GREB1: variants seen among roughly 807,000 people sequenced by gnomAD.
GREB1 encodes growth regulating estrogen receptor binding 1, also known as protein GREB1.
A neutral mutation model predicts 200.7 loss-of-function variants in GREB1; 106 were observed. That is an observed-to-expected ratio of 0.53 (90% confidence interval 0.45 to 0.62). GREB1 has a LOEUF of 0.62. Ranked by LOEUF, GREB1 falls within the 20% of genes least tolerant of loss-of-function variation. The pLI is 0.00. For missense variants in GREB1, 2,243 were observed against 2,556.8 expected, an observed-to-expected ratio of 0.88 and a Z score of 2.65; for synonymous variants, 1,132 against 1,092.4, an observed-to-expected ratio of 1.04 and a Z score of -0.72.
chr2:11,609,405 A>C (rs970205302), intron 17 of GREB1, among the ~76,000 whole-genome samples: 150 of 152,198 alleles, frequency 9.9e-4, no homozygotes, highest in African/African-American at 3.5e-3. Context: ...AGTAGCTGGG[A>C]TTACAGGCGT....
intron 6 of GREB1, 126 bp downstream of exon 6, chr2:11,578,557 A>G: frequency 1.1e-6 from 1 of 921,282 alleles, no homozygotes; most frequent in Non-Finnish European, 1.6e-6. Flanking sequence ...CTTTTTCTAT[A>G]ACACCTTTAC....
chr2:11,562,582 G>A lies in GREB1; in HGVS notation c.277G>A (p.Gly93Arg), dbSNP rs766732161. ...GCCTGAAGGATGCTGTACCACAGAC[G>A]GTGAGCCTCTGCCAGCTCCTGGCCA... is the stretch of plus-strand genomic sequence containing the variant. ...PLPEGCCTTD[G>R]FCQAGKDLRL... The change falls in exon 3 of 33, where the codon GGG becomes AGG. Residue 93 changes from glycine to arginine, a missense_variant and splice_region_variant. Physicochemically the swap from Gly to Arg is moderately radical, Grantham distance 125. Coordinates refer to ENST00000381486, the MANE Select transcript of GREB1 (RefSeq NM_014668.4). 20 of 1,577,604 alleles carry A rather than the reference G, an allele frequency of 1.3e-5. No individual in the cohort carries two copies. The highest frequency in any genetic ancestry group is 1.6e-5 in the Non-Finnish European group (19 of 1,163,010).
In GREB1 at chr2:11,626,746, CTTAA is replaced by C. The variant is rs1362430226; in HGVS notation, c.4307-212_4307-209del. On this transcript the variant is annotated intron_variant, in intron 24 of 32. Coordinates refer to ENST00000381486, the MANE Select transcript of GREB1 (RefSeq NM_014668.4). ...CAGTAAGACATGATATGGACAGTGCCTTAATTAGTTTATTCCACTGACACTTTGT... is the reference window on the plus strand; with the variant it reads ...CAGTAAGACATGATATGGACAGTGCCTTAGTTTATTCCACTGACACTTTGT... Among the ~76,000 whole-genome samples the C allele has an allele frequency of 1.5e-4, 23 of 152,266 alleles. No individual in the cohort carries two copies. The East Asian group carries it at 2.7e-3, about 18-fold the overall frequency.
chr2:11,641,891 A>T lies in GREB1; in HGVS notation c.*1437A>T, dbSNP rs2148472384. 6.6e-6 allele frequency: 1 copy of T among 152,228 alleles called. No individual in the cohort carries two copies. The highest frequency in any genetic ancestry group is 1.5e-5 in the Non-Finnish European group (1 of 67,998). 9.4% of individuals were successfully genotyped at this position (152,228 alleles called of 1,614,324 possible). On this transcript the variant is annotated 3_prime_UTR_variant, in exon 33 of 33. Coordinates refer to ENST00000381486, the MANE Select transcript of GREB1 (RefSeq NM_014668.4). The stretch of plus-strand genomic sequence containing the variant: ...AGTCCTTTCTTGTGTGATTGGAATT[A>T]TTCATCCCCTTTGAAAGATGAGAAG...
intron 4 of GREB1, among the ~76,000 whole-genome samples, chr2:11,567,653 C>G (rs1272583818): frequency 2.6e-5 from 4 of 152,222 alleles, no homozygotes; most frequent in African/African-American, 7.2e-5. Context: ...TTTGATCTTT[C>G]CAACAACCGC....
intron 24 of GREB1, 94 bp from the exon 25 acceptor site, chr2:11,626,868 G>C: frequency 7.7e-7 from 1 of 1,296,590 alleles, no homozygotes; most frequent in Non-Finnish European, 1.1e-6. Context: ...CTGTTGTCTG[G>C]TCATTTGAGC....
rs1558640836 is a variant in GREB1, at chr2:11,616,714, G to GCTTC, written c.3408_3411dup (p.Gly1138PhefsTer39). On this transcript the variant is annotated frameshift_variant, in exon 21 of 33. Transcript: ENST00000381486. LOFTEE classifies it high-confidence loss of function. ...AGCATCCTCATCCCTCTCCTCCAAGGCTTCCGGTGAGTCTTCCCACACGGG... is the reference window on the plus strand; with the variant it reads ...AGCATCCTCATCCCTCTCCTCCAAGGCTTCCTTCCGGTGAGTCTTCCCACACGGG... 1 of 1,604,016 alleles carries GCTTC rather than the reference G, an allele frequency of 6.2e-7. No homozygotes were observed. Among genetic ancestry groups the GCTTC allele is most frequent in the Non-Finnish European group, 8.5e-7 (1 of 1,170,758 alleles).
At chr2:11,627,522 G>A (rs530695518) in intron 25 of GREB1, among the ~76,000 whole-genome samples, 1 of 152,338 alleles carries the variant, frequency 6.6e-6, no homozygotes, top group South Asian at 2.1e-4. Context: ...TATGAAGCAG[G>A]CAAAAGGAGT....
intron 12 of GREB1, among the ~76,000 whole-genome samples, chr2:11,595,745 C>T (rs1572860645): frequency 2.0e-5 from 3 of 152,266 alleles, no homozygotes; most frequent in Admixed American, 6.5e-5. Context: ...CCCTCGTGCT[C>T]TGGGCTGTGA....
At chr2:11,535,250 G>A (rs1188145485) in intron 1 of GREB1, among the ~76,000 whole-genome samples, 1 of 152,166 alleles carries the variant, frequency 6.6e-6, no homozygotes, top group African/African-American at 2.4e-5. Flanking sequence ...CCCCAGGTAT[G>A]CACCCTTCTC....
chr2:11,637,190 A>AG (rs1351181676), intron 30 of GREB1, among the ~76,000 whole-genome samples: 2 of 152,024 alleles, frequency 1.3e-5, no homozygotes, highest in Non-Finnish European at 2.9e-5. Context: ...AGAGGAGCTG[A>AG]GGAAGTAGGC....
intron 1 of GREB1, among the ~76,000 whole-genome samples, chr2:11,538,644 T>C (rs1257186509): frequency 9.2e-4 from 25 of 27,254 alleles, no homozygotes; most frequent in South Asian, 4.5e-3. Context: ...TTTCTTTCTT[T>C]CTTTCTTTCT....
In GREB1 at chr2:11,600,824, T is replaced by C; in HGVS notation, c.2358T>C (p.Ser786=). 1 of 1,614,068 alleles carries C rather than the reference T, an allele frequency of 6.2e-7. No individual in the cohort carries two copies. ...GTAGCACTGTTCATAACCTCTATTC[T>C]CAAAGTGACCCGTCGGTGGGATTGG... ...LVSSTVHNLY[S]QSDPSVGLVD... is the part of the protein sequence containing the mutation. The change falls in exon 16 of 33, where the codon TCT becomes TCC. Residue 786 remains serine (S), a synonymous_variant. Transcript: ENST00000381486.
Position 11,637,797 on chromosome 2 carries a change from G to A in GREB1, c.5428G>A (p.Ala1810Thr), listed in dbSNP as rs1201937282. 42 of 1,613,970 alleles carry A rather than the reference G, an allele frequency of 2.6e-5. No homozygotes were observed. Among genetic ancestry groups the A allele is most frequent in the Non-Finnish European group, 3.3e-5 (39 of 1,180,028 alleles). ...DSKHTFLAAP[A>T]QLLLEKFLQH... Reference sequence around the variant, plus strand: ...CAAGCACACGTTCCTCGCAGCGCCCGCCCAGCTCCTGCTGGAGAAGTTCCT... The same window carrying A: ...CAAGCACACGTTCCTCGCAGCGCCCACCCAGCTCCTGCTGGAGAAGTTCCT... Residue 1810 changes from alanine (A) to threonine (T), a missense_variant, in exon 31 of 33, where the codon GCC becomes ACC. Ala to Thr is a moderately conservative substitution (Grantham distance 58). This residue lies in a region of GREB1 where 478 missense variants were observed against 616.3 expected (regional missense o/e 0.78). Coordinates refer to ENST00000381486, the MANE Select transcript of GREB1 (RefSeq NM_014668.4).
At chr2:11,589,272 G>T (rs1304364686) in intron 10 of GREB1, among the ~76,000 whole-genome samples, 1 of 152,234 alleles carries the variant, frequency 6.6e-6, no homozygotes, top group Non-Finnish European at 1.5e-5. Context: ...GGCAGGTAAA[G>T]ATGGGTGCAT....
At chr2:11,621,250 G>T (rs1047439149) in intron 23 of GREB1, among the ~76,000 whole-genome samples, 1 of 152,162 alleles carries the variant, frequency 6.6e-6, no homozygotes, top group South Asian at 2.1e-4. Context: ...CATGTGGAGC[G>T]CTGACCTAGA....
rs200344401 is a variant in GREB1, at chr2:11,535,789, ATTTGT to A, written c.-162+1539_-162+1543del. Among the ~76,000 whole-genome samples, 985 of 152,124 alleles carry A rather than the reference ATTTGT, an allele frequency of 6.5e-3. 3 individuals carry two copies. Among genetic ancestry groups the A allele is most frequent in the Middle Eastern group, 0.014 (4 of 294 alleles). On this transcript the variant is annotated intron_variant, in intron 1 of 32. Coordinates refer to ENST00000381486, the MANE Select transcript of GREB1 (RefSeq NM_014668.4). ...AGGTTGCATTAGCCCCACTTACATGATTTGTTTTATCTTCCCCACTTCCTGACCGT... is the reference window on the plus strand; with the variant it reads ...AGGTTGCATTAGCCCCACTTACATGATTTATCTTCCCCACTTCCTGACCGT...
In GREB1 at chr2:11,489,845, G is replaced by A. The variant is rs937883233; in HGVS notation, c.-159+7464G>A. 6.6e-5 allele frequency among the ~76,000 whole-genome samples: 10 copies of A among 151,946 alleles called. 1 individual carries two copies. Among genetic ancestry groups the A allele is most frequent in the African/African-American group, 2.4e-4 (10 of 41,366 alleles). ...TTGTTATTATCGTTCCCATTTTATA[G>A]GTGAGGAACAGGCTCAGAAGTGGCT... On this transcript the variant is annotated intron_variant, in intron 1 of 2. Coordinates refer to the GREB1 transcript ENST00000628795.
intron 3 of GREB1, chr2:11,563,101 T>C (rs1677248469): frequency 1.3e-5 from 2 of 152,284 alleles, no homozygotes; most frequent in Admixed American, 6.5e-5. Flanking sequence ...GCCTCCCAAG[T>C]AGCTGGGATT....
Sources: gnomAD v4.1 joint callset for allele counts (sites outside exome capture counted in the v4.1 genomes callset) on GRCh38, gnomAD v4.1.1 for gene constraint, gnomAD v4.1.1 regional missense constraint, MANE v1.5 for transcripts, NCBI Gene and HGNC (gene_info 2026-07-23, HGNC 2026-07-21) for gene names.